MYCBP2: variants seen among roughly 807,000 people sequenced by gnomAD.
The protein encoded by MYCBP2 is E3 ubiquitin-protein ligase MYCBP2.
In MYCBP2, 120 loss-of-function variants were observed where a neutral mutation model predicts 525.3. That is an observed-to-expected ratio of 0.23 (90% CI 0.20 to 0.27). The LOEUF is 0.27. MYCBP2 is among the 10% of genes least tolerant of loss of function. The pLI, the probability that MYCBP2 is intolerant of heterozygous loss-of-function variation, is 1.00. For missense variants in MYCBP2, 4,149 were observed against 5,657.1 expected, an observed-to-expected ratio of 0.73 and a Z score of 8.55; for synonymous variants, 1,894 against 1,955.8, an observed-to-expected ratio of 0.97 and a Z score of 0.83.
intron 53 of MYCBP2, 141 bp from the exon 54 acceptor site, chr13:77,125,609 G>T: frequency 2.3e-6 from 2 of 887,938 alleles, no homozygotes; most frequent in Admixed American, 2.6e-5. Context: ...TGAAATTAAG[G>T]CCACAGCCTG....
Position 77,081,746 on chromosome 13 carries a change from A to G in MYCBP2, c.11193+91T>C. The G allele has an allele frequency of 6.5e-7, 1 of 1,532,424 alleles. No individual in the cohort carries two copies. The highest frequency in any genetic ancestry group is 8.8e-7 in the Non-Finnish European group (1 of 1,135,758). 94.9% of individuals were successfully genotyped at this position (1,532,424 alleles called of 1,614,324 possible). On this transcript the variant is annotated intron_variant, in intron 64 of 82. Transcript: ENST00000544440. The surrounding 1 kb of genome is among the most constrained non-coding windows in gnomAD (Gnocchi z 4.6). ...TATAAGATAAAACATAATGGAAGAC[A>G]GGATCAAATTGATTATGAATAACTT...
At chr13:77,069,271 A>G (rs1285018294) in intron 69 of MYCBP2, among the ~76,000 whole-genome samples, 1 of 152,240 alleles carries the variant, frequency 6.6e-6, no homozygotes, top group Non-Finnish European at 1.5e-5. Flanking sequence ...ACACTGCTAG[A>G]AAGATAAAGC....
intron 26 of MYCBP2, among the ~76,000 whole-genome samples, chr13:77,197,370 AG>A (rs1352015670): frequency 1.9e-4 from 29 of 152,232 alleles, no homozygotes; most frequent in Non-Finnish European, 5.9e-5. Flanking sequence ...AGGCCTATCA[AG>A]AAAAATGTCT....
intron 76 of MYCBP2, among the ~76,000 whole-genome samples, chr13:77,060,731 T>C (rs989171648): frequency 2.0e-5 from 3 of 152,218 alleles, no homozygotes; most frequent in Non-Finnish European, 4.4e-5. Context: ...GCATTAGGTC[T>C]ACAAAAACCT....
In MYCBP2 at chr13:77,261,362, C is replaced by A. The variant is rs2073233742; in HGVS notation, c.1661G>T (p.Gly554Val). Residue 554 changes from glycine (G) to valine (V), a missense_variant, in exon 12 of 83, where the codon GGC (glycine) becomes GTC (valine). Around this residue, in one of 21 missense-constraint regions of MYCBP2, gnomAD observed 262 missense variants for 419.3 expected, o/e 0.62. Transcript: ENST00000544440. ...TTTGATTCCAAGACTCTGGTATTTG[C>A]CAGTGTAATATATCTTATGTATTAA... ...KTANGKIYYTGKYQSLGIKQG... is the reference protein window; with the variant it reads ...KTANGKIYYTVKYQSLGIKQG... 6.2e-7 allele frequency: 1 copy of A among 1,606,090 alleles called. No individual in the cohort carries two copies. The highest frequency in any genetic ancestry group is 1.4e-5 in the African/African-American group (1 of 72,752).
chr13:77,164,341 T>A, intron 43 of MYCBP2, 113 bp downstream of exon 43: 1 of 674,642 alleles, frequency 1.5e-6, no homozygotes, highest in Admixed American at 2.5e-5. Flanking sequence ...TTATTGCTCA[T>A]GAATATATGA....
intron 13 of MYCBP2, 131 bp from the exon 14 acceptor site, chr13:77,257,960 A>C: frequency 1.5e-6 from 1 of 655,988 alleles, no homozygotes; most frequent in Non-Finnish European, 2.4e-6. Flanking sequence ...TAAGTAGCCA[A>C]AAGACTGGCA....
chr13:77,071,240 T>TAC (rs2041180688), intron 68 of MYCBP2, among the ~76,000 whole-genome samples: 2 of 149,580 alleles, frequency 1.3e-5, no homozygotes, highest in Non-Finnish European at 3.0e-5. Context: ...TGTGTGTGTA[T>TAC]ATATATATAT....
At chr13:77,082,815 G>A (rs2043529989) in intron 63 of MYCBP2, among the ~76,000 whole-genome samples, 1 of 152,084 alleles carries the variant, frequency 6.6e-6, no homozygotes, top group South Asian at 2.1e-4. Flanking sequence ...AGGGCACTAA[G>A]AATTACATTA....
At chr13:77,071,270 C>T (rs1470105804) in intron 68 of MYCBP2, among the ~76,000 whole-genome samples, 1 of 123,164 alleles carries the variant, frequency 8.1e-6, no homozygotes, top group African/African-American at 3.2e-5. Flanking sequence ...TGTGTGCACA[C>T]GCACACACAC....
intron 17 of MYCBP2, among the ~76,000 whole-genome samples, chr13:77,237,888 A>G (rs1333721215): frequency 6.6e-6 from 1 of 152,164 alleles, no homozygotes; most frequent in East Asian, 1.9e-4. Context: ...CTGGAATATC[A>G]GCTAATATTG....
chr13:77,116,186 G>T (rs141388278), intron 55 of MYCBP2, among the ~76,000 whole-genome samples: 1 of 151,864 alleles, frequency 6.6e-6, no homozygotes, highest in Non-Finnish European at 1.5e-5. Flanking sequence ...ACATAGTGGC[G>T]ACTATCAGTA....
intron 13 of MYCBP2, among the ~76,000 whole-genome samples, chr13:77,258,264 C>T (rs1292421230): frequency 6.6e-6 from 1 of 152,188 alleles, no homozygotes; most frequent in African/African-American, 2.4e-5. Context: ...ACCAGTGAGA[C>T]TTTTCAAAAC....
chr13:77,133,785 A>G (rs2053301821), intron 52 of MYCBP2, among the ~76,000 whole-genome samples: 1 of 152,184 alleles, frequency 6.6e-6, no homozygotes, highest in African/African-American at 2.4e-5. Context: ...AAATTCCTTT[A>G]CTGTTTCCTG....
At chr13:77,123,681 G>C (rs1284988974) in intron 54 of MYCBP2, among the ~76,000 whole-genome samples, 2 of 152,134 alleles carry the variant, frequency 1.3e-5, no homozygotes, top group Non-Finnish European at 2.9e-5. Context: ...TCAGTACCCT[G>C]GCAGTCCTGC....
chr13:77,113,161 A>C (rs552833602), intron 55 of MYCBP2, among the ~76,000 whole-genome samples: 1 of 152,138 alleles, frequency 6.6e-6, no homozygotes, highest in South Asian at 2.1e-4. Context: ...ATGCTCCATT[A>C]ACCTCCTTCC....
At chr13:77,237,662 T>A (rs942793827) in intron 17 of MYCBP2, among the ~76,000 whole-genome samples, 1 of 152,022 alleles carries the variant, frequency 6.6e-6, no homozygotes, top group Non-Finnish European at 1.5e-5. Flanking sequence ...CACAAAAAAA[T>A]TTCATGATAT....
At chr13:77,282,411 G>GA (rs35046756) in intron 3 of MYCBP2, among the ~76,000 whole-genome samples, 539 of 108,312 alleles carry the variant, frequency 5.0e-3, no homozygotes, top group African/African-American at 0.012. Context: ...ACTCCATCTT[G>GA]AAAAAAAAAA....
rs1167323537 is a variant in MYCBP2 at position 77,296,626 on chromosome 13, G to A, written c.351C>T (p.Ser117=). ...NKKKLKRKQK[S]KSKVKTRSKS... is the part of the protein sequence containing the mutation. ...TGCTTCTTGTCTTCACTTTTGATTTGCTCTTCTGTTTTCTTTTCAATTTCT... is the reference window on the plus strand; with the variant it reads ...TGCTTCTTGTCTTCACTTTTGATTTACTCTTCTGTTTTCTTTTCAATTTCT... Residue 117 remains serine (S), a synonymous_variant, in exon 2 of 83, where the codon AGC becomes AGT. Transcript: ENST00000544440. 2 of 1,563,202 alleles carry A rather than the reference G, an allele frequency of 1.3e-6. No individual in the cohort carries two copies. The highest frequency in any genetic ancestry group is 1.7e-6 in the Non-Finnish European group (2 of 1,152,016).
Sources: gnomAD v4.1 joint callset for allele counts (sites outside exome capture counted in the v4.1 genomes callset) on GRCh38, gnomAD v4.1.1 for gene constraint, gnomAD v4.1.1 regional missense constraint, Gnocchi (gnomAD v3.1) non-coding constraint, MANE v1.5 for transcripts, NCBI Gene and HGNC (gene_info 2026-07-23, HGNC 2026-07-21) for gene names.